The following EVI5L variants were observed in gnomAD, a reference collection of about 807,000 sequenced individuals.
EVI5L encodes the protein EVI5-like protein.
EVI5L carries 30 observed loss-of-function variants against 106.1 expected under a neutral mutation model. That is an observed-to-expected ratio of 0.28 (90% CI 0.21 to 0.38). The LOEUF (loss-of-function observed/expected upper bound fraction) is 0.38. EVI5L is among the 10% of genes least tolerant of loss of function. EVI5L has a pLI of 1.00. For missense variants in EVI5L, 809 were observed against 1,098.0 expected, an observed-to-expected ratio of 0.74 and a Z score of 3.72; for synonymous variants, 489 against 483.3, an observed-to-expected ratio of 1.01 and a Z score of -0.15.
chr19:7,854,728 C>T (rs1035970204), intron 10 of EVI5L, among the ~76,000 whole-genome samples: 1 of 152,168 alleles, frequency 6.6e-6, no homozygotes, highest in South Asian at 2.1e-4. Flanking sequence ...GATCAGGGCT[C>T]CAGATTGCTA....
chr19:7,852,293 G>T (rs929374175), intron 8 of EVI5L, among the ~76,000 whole-genome samples: 1 of 152,234 alleles, frequency 6.6e-6, no homozygotes, highest in Non-Finnish European at 1.5e-5. Context: ...TCCAGCTGGT[G>T]CTTCAGGGAA....
At chr19:7,853,673 G>T in intron 10 of EVI5L, 1 of 345,700 alleles carries the variant, frequency 2.9e-6, no homozygotes, top group Non-Finnish European at 5.5e-6. Context: ...AGGCTGACTT[G>T]GGCAGAGGCT....
rs1268632569 is a variant in EVI5L at position 7,863,672 on chromosome 19, C to T, written c.2388C>T (p.Ala796=). ...GSSDSDADEL[A]APYSQGLDN ...CAGACAGCGACGCCGATGAGCTGGC[C>T]GCGCCCTACAGCCAGGGTCTGGACA... The change falls in exon 20 of 20, where the codon GCC becomes GCT. Residue 796 remains alanine (A), a synonymous_variant. Transcript: ENST00000538904. The surrounding 1 kb of genome is among the most constrained non-coding windows in gnomAD (Gnocchi z 7.7). 2 of 1,528,808 alleles carry T rather than the reference C, an allele frequency of 1.3e-6. No individual in the cohort carries two copies. Among genetic ancestry groups the T allele is most frequent in the Non-Finnish European group, 1.8e-6 (2 of 1,140,280 alleles). The allele number at this position is 1,528,808 out of a possible 1,614,324, so 94.7% of individuals were successfully genotyped here.
chr19:7,860,818 A>G, intron 14 of EVI5L, 129 bp downstream of exon 14: 3 of 1,127,350 alleles, frequency 2.7e-6, no homozygotes, highest in Non-Finnish European at 3.6e-6. Context: ...ATACATATGC[A>G]CACACACAGC....
At chr19:7,843,541 AGT>A (rs1219663970) in intron 1 of EVI5L, among the ~76,000 whole-genome samples, 5 of 108,236 alleles carry the variant, frequency 4.6e-5, no homozygotes, top group Admixed American at 1.0e-4. Flanking sequence ...GGGTGTGTCG[AGT>A]GTGTGCATGT....
rs1373908561 is a variant in EVI5L, at chr19:7,850,279, G to C, written c.753+157G>C. Among the ~76,000 whole-genome samples, 1 of 152,118 alleles carries C rather than the reference G, an allele frequency of 6.6e-6. No homozygotes were observed. The highest frequency in any genetic ancestry group is 1.5e-5 in the Non-Finnish European group (1 of 68,010). On this transcript the variant is annotated intron_variant, in intron 6 of 19. Transcript: ENST00000538904. The surrounding 1 kb of genome is among the most constrained non-coding windows in gnomAD (Gnocchi z 5.4). ...ATTCCAAGCCTGTGAAATCACACCT[G>C]GACGTTCCAACTCCAAAAGGCACTC... is the stretch of plus-strand genomic sequence containing the variant.
rs1568245692 is a variant in EVI5L at position 7,862,220 on chromosome 19, C to T, written c.1743C>T (p.Ala581=). The T allele has an allele frequency of 6.4e-7, 1 of 1,572,780 alleles. No individual in the cohort carries two copies. The highest frequency in any genetic ancestry group is 8.6e-7 in the Non-Finnish European group (1 of 1,160,828). Residue 581 remains alanine, a synonymous_variant, in exon 16 of 20, where the codon GCC becomes GCT. Transcript: ENST00000538904. ...TGATGAGCGTGCGTCTGCGCGAGGC[C>T]CAGGCCCTGGCCGAGGGCCGCGAGC... ...DELMSVRLRE[A]QALAEGRELR... is the part of the protein sequence containing the mutation.
chr19:7,852,438 G>A (rs1979297624), intron 8 of EVI5L, among the ~76,000 whole-genome samples: 2 of 152,132 alleles, frequency 1.3e-5, no homozygotes, highest in Admixed American at 1.3e-4. Context: ...CAGGCCCGAG[G>A]CCCCCGGCAT....
chr19:7,837,922 C>G (rs1277512046), intron 1 of EVI5L, among the ~76,000 whole-genome samples: 1 of 151,644 alleles, frequency 6.6e-6, no homozygotes, highest in Non-Finnish European at 1.5e-5. Flanking sequence ...AGGCTGGTCT[C>G]GAACCCCTGA....
At chr19:7,842,676 A>ATG (rs1049879203) in intron 1 of EVI5L, among the ~76,000 whole-genome samples, 1 of 151,130 alleles carries the variant, frequency 6.6e-6, no homozygotes, top group African/African-American at 2.4e-5. Flanking sequence ...GTGTGCATGG[A>ATG]TGTGTGTGCA....
Position 7,842,966 on chromosome 19 carries a change from CGT to C in EVI5L, c.-47-3526_-47-3525del, listed in dbSNP as rs551248862. 3.4e-3 allele frequency among the ~76,000 whole-genome samples: 337 copies of C among 99,328 alleles called. 2 individuals carry two copies. Among genetic ancestry groups the C allele is most frequent in the African/African-American group, 0.012 (324 of 26,884 alleles). The allele number at this position is 99,328 out of a possible 152,430, so 65.2% of individuals were successfully genotyped here. ...ATCCGAATGTGTGCATATGTGTAAA[CGT>C]GTGACTATGGATGAGCACGTGTGTT... On this transcript the variant is annotated intron_variant, in intron 1 of 19. Transcript: ENST00000538904.
At chr19:7,862,863 G>T (rs1979906954) in intron 17 of EVI5L, 109 bp from the exon 18 acceptor site, 9 of 510,682 alleles carry the variant, frequency 1.8e-5, no homozygotes, top group Admixed American at 4.1e-5. Flanking sequence ...CTCCTGACCC[G>T]CCTCCGCCCG....
Position 7,863,346 on chromosome 19 carries a change from G to A in EVI5L, c.2139+66G>A, listed in dbSNP as rs1979946208. On this transcript the variant is annotated intron_variant, in intron 19 of 19. Transcript: ENST00000538904. This position sits in a 1 kb window ranked among gnomAD's most constrained non-coding sequence, Gnocchi z 7.7. ...GTCGGCCTGGGACGAGCCGAGCGCA[G>A]GTGCCTTGCGGAGGATGCGGCTGGG... is the stretch of plus-strand genomic sequence containing the variant. 6.5e-7 allele frequency: 1 copy of A among 1,544,192 alleles called. No individual in the cohort carries two copies. Among genetic ancestry groups the A allele is most frequent in the Admixed American group, 2.0e-5 (1 of 50,804 alleles).
chr19:7,863,152 C>T lies in EVI5L; in HGVS notation c.2044-33C>T. 1 of 1,545,870 alleles carries T rather than the reference C, an allele frequency of 6.5e-7. No individual in the cohort carries two copies. ...GGGCCGGACCCCAGGCCCAGCATGGCACTGGCCCCGCGTGACCTGGCGCAC... is the reference window on the plus strand; with the variant it reads ...GGGCCGGACCCCAGGCCCAGCATGGTACTGGCCCCGCGTGACCTGGCGCAC... On this transcript the variant is annotated intron_variant, in intron 18 of 19. Transcript: ENST00000538904. The surrounding 1 kb of genome is among the most constrained non-coding windows in gnomAD (Gnocchi z 7.7).
Position 7,862,996 on chromosome 19 carries a change from C to G in EVI5L, c.1972C>G (p.Arg658Gly). 1 of 1,576,116 alleles carries G rather than the reference C, an allele frequency of 6.3e-7. No individual in the cohort carries two copies. Among genetic ancestry groups the G allele is most frequent in the Non-Finnish European group, 8.6e-7 (1 of 1,169,292 alleles). Residue 658 changes from arginine (R) to glycine (G), a missense_variant, in exon 18 of 20, where the codon CGA (arginine) becomes GGA (glycine). Transcript: ENST00000538904. The stretch of plus-strand genomic sequence containing the variant: ...GAGCAAGGAGGAGGTGATGGCTGTG[C>G]GACTGCGGGAGGCGGACAGCATGGC... ...CKSKEEVMAVRLREADSMAAV... is the reference protein window; with the variant it reads ...CKSKEEVMAVGLREADSMAAV...
rs2146436311 is a variant in EVI5L, at chr19:7,858,322, G to A, written c.1365G>A (p.Gln455=). ...QKAQSTIRQL[Q]EQQENPRLTE... ...CACAGAGCACCATCCGGCAGCTACA[G>A]GAGCAGCAGGTAGGGGCGGGTGTGC... The change falls in exon 13 of 20, where the codon CAG becomes CAA. Residue 455 remains glutamine, a synonymous_variant. Transcript: ENST00000538904. This position sits in a 1 kb window ranked among gnomAD's most constrained non-coding sequence, Gnocchi z 5.7. 6.5e-7 allele frequency: 1 copy of A among 1,546,758 alleles called. No individual in the cohort carries two copies. The highest frequency in any genetic ancestry group is 8.7e-7 in the Non-Finnish European group (1 of 1,146,690).
chr19:7,844,924 C>A (rs1267319640), intron 1 of EVI5L, among the ~76,000 whole-genome samples: 1 of 152,182 alleles, frequency 6.6e-6, no homozygotes, highest in Non-Finnish European at 1.5e-5. Context: ...TGGCCAGGGT[C>A]AAGTCCATCC....
chr19:7,858,147 G>A lies in EVI5L; in HGVS notation c.1234-44G>A, dbSNP rs777384511. The A allele has an allele frequency of 3.1e-5, 48 of 1,538,040 alleles. No homozygotes were observed. Among genetic ancestry groups the A allele is most frequent in the African/African-American group, 4.1e-5 (3 of 72,852 alleles). On this transcript the variant is annotated intron_variant, in intron 12 of 19. Transcript: ENST00000538904. This position sits in a 1 kb window ranked among gnomAD's most constrained non-coding sequence, Gnocchi z 5.7. ...GGAGGCAGGGCCTTGGGTGGGAGCCGAGGGTCACGGCCTCCCCCTGCCCCC... is the reference window on the plus strand; with the variant it reads ...GGAGGCAGGGCCTTGGGTGGGAGCCAAGGGTCACGGCCTCCCCCTGCCCCC...
At chr19:7,831,535 G>T (rs592635) in intron 1 of EVI5L, among the ~76,000 whole-genome samples, 110,718 of 151,918 alleles carry the variant, frequency 0.73, 40,841 homozygotes, top group South Asian at 0.84. Flanking sequence ...GGGTGACAGG[G>T]CCCCAGAATC....
Sources: allele counts gnomAD v4.1 joint callset (sites outside exome capture counted in the v4.1 genomes callset), GRCh38; gene constraint gnomAD v4.1.1; non-coding constraint Gnocchi (gnomAD v3.1); transcripts MANE v1.5; gene names NCBI Gene and HGNC (gene_info 2026-07-23, HGNC 2026-07-21).